CCDC30: variants seen among roughly 807,000 people sequenced by gnomAD.
CCDC30 encodes the protein coiled-coil domain containing 30.
In CCDC30, 70 loss-of-function variants were observed where a neutral mutation model predicts 100.2. The ratio of observed to expected loss-of-function variants is 0.70; its 90% confidence interval spans 0.58 to 0.85. The LOEUF (loss-of-function observed/expected upper bound fraction) is 0.85. CCDC30 is among the 40% of genes least tolerant of loss of function. CCDC30 has a pLI of 0.00. For missense variants in CCDC30, 652 were observed against 771.2 expected, an observed-to-expected ratio of 0.85 and a Z score of 1.83; for synonymous variants, 233 against 269.5, an observed-to-expected ratio of 0.86 and a Z score of 1.33.
At chr1:42,576,936 C>A in intron 7 of CCDC30, 84 bp from the exon 12 acceptor site, 1 of 997,684 alleles carries the variant, frequency 1.0e-6, no homozygotes, top group Non-Finnish European at 1.5e-6. Flanking sequence ...TTTTAGGGGA[C>A]TATACTCCTT....
At chr1:42,470,357 G>C (rs1356833711) in intron 1 of CCDC30, among the ~76,000 whole-genome samples, 1 of 152,028 alleles carries the variant, frequency 6.6e-6, no homozygotes, top group African/African-American at 2.4e-5. Context: ...GACCTGCATT[G>C]CTGGTAGGAA....
In CCDC30 at chr1:42,581,415, CT is replaced by C; in HGVS notation, c.904del (p.Cys302ValfsTer8). On this transcript the variant is annotated frameshift_variant, in exon 9 of 17. Coordinates refer to ENST00000668663, the Ensembl canonical transcript of CCDC30. LOFTEE classifies it high-confidence loss of function. The stretch of plus-strand genomic sequence containing the variant: ...GCTCATAAAGTCTGTCTCACAGACA[CT>C]TGTATTTCAGAGAAGCAGCAGCTAG... 6.2e-7 allele frequency: 1 copy of C among 1,613,554 alleles called. No individual in the cohort carries two copies. Among genetic ancestry groups the C allele is most frequent in the African/African-American group, 1.3e-5 (1 of 74,978 alleles).
At chr1:42,561,914 G>A (rs534119990) in intron 6 of CCDC30, among the ~76,000 whole-genome samples, 1 of 152,204 alleles carries the variant, frequency 6.6e-6, no homozygotes, top group Admixed American at 6.6e-5. Flanking sequence ...CCTCTTCAAG[G>A]AGAACTACAA....
intron 9 of CCDC30, among the ~76,000 whole-genome samples, chr1:42,587,838 A>G (rs531006993): frequency 3.3e-4 from 51 of 152,336 alleles, no homozygotes; most frequent in Non-Finnish European, 6.3e-4. Context: ...CTCTTTTCAC[A>G]AACTTTATTC....
At chr1:42,654,797 C>T (rs1648609405), downstream of CCDC30, 1 of 150,768 alleles carries the variant, frequency 6.6e-6, no homozygotes, top group African/African-American at 2.4e-5. Flanking sequence ...ACTGCAACCT[C>T]TGCCTCCCAG....
chr1:42,525,856 T>G (rs1470049073), intron 6 of CCDC30, among the ~76,000 whole-genome samples: 1 of 152,182 alleles, frequency 6.6e-6, no homozygotes, highest in Non-Finnish European at 1.5e-5. Context: ...ATCTAGCTGG[T>G]CAGAACTCAA....
rs56267063 is a variant in CCDC30, at chr1:42,496,122, AGTGTGTGTGT to A, written c.242-947_242-938del. ...TGTCATTTGGGTTTTTTATTTGTGG[AGTGTGTGTGT>A]GTGTGTGTGTGTGTGTGTGTGTGTG... On this transcript the variant is annotated intron_variant, in intron 4 of 16. Transcript: ENST00000668663. Among the ~76,000 whole-genome samples, 827 of 147,390 alleles carry A rather than the reference AGTGTGTGTGT, an allele frequency of 5.6e-3. 4 individuals are homozygous for A. Among genetic ancestry groups the A allele is most frequent in the African/African-American group, 0.018 (721 of 39,854 alleles).
intron 7 of CCDC30, among the ~76,000 whole-genome samples, chr1:42,572,998 A>T (rs567951507): frequency 4.2e-4 from 64 of 152,284 alleles, no homozygotes; most frequent in African/African-American, 1.5e-3. Flanking sequence ...TGCTATCATG[A>T]TTATTTTAGC....
chr1:42,456,661 G>C, the CCDC30 span: 1 of 1,600,088 alleles, frequency 6.2e-7, no homozygotes, highest in Non-Finnish European at 8.5e-7. Context: ...GGCTGGGCGC[G>C]CAGGGCCGGC....
chr1:42,553,713 C>T (rs914101906), intron 6 of CCDC30, among the ~76,000 whole-genome samples: 1 of 151,082 alleles, frequency 6.6e-6, no homozygotes, highest in Admixed American at 6.6e-5. Flanking sequence ...TGCATTTTCC[C>T]AGTCTTAATG....
chr1:42,564,519 A>ACCTCAGGTGATCCACCCATCTCGG (rs370943075), intron 6 of CCDC30, among the ~76,000 whole-genome samples: 3 of 151,038 alleles, frequency 2.0e-5, no homozygotes, highest in African/African-American at 7.3e-5. Flanking sequence ...TGAACTCCTG[A>ACCTCAGGTGATCCACCCATCTCGG]CCTCCCAAAG....
chr1:42,565,700 A>T (rs1216274110), intron 6 of CCDC30, among the ~76,000 whole-genome samples: 2 of 152,178 alleles, frequency 1.3e-5, no homozygotes, highest in Non-Finnish European at 2.9e-5. Context: ...TATCCAAGGG[A>T]TATGAAACCA....
intron 8 of CCDC30, among the ~76,000 whole-genome samples, chr1:42,579,858 A>C (rs576032582): frequency 6.6e-6 from 1 of 151,734 alleles, no homozygotes; most frequent in Non-Finnish European, 1.5e-5. Context: ...AGCTGGGCAT[A>C]GTAGCACATG....
intron 6 of CCDC30, among the ~76,000 whole-genome samples, chr1:42,509,450 A>G (rs1208782449): frequency 6.6e-6 from 1 of 152,190 alleles, no homozygotes; most frequent in Non-Finnish European, 1.5e-5. Context: ...AGCACCACCC[A>G]GATCGATAAA....
At chr1:42,632,231 G>T (rs968009857) in intron 11 of CCDC30, among the ~76,000 whole-genome samples, 2 of 152,132 alleles carry the variant, frequency 1.3e-5, no homozygotes, top group Non-Finnish European at 2.9e-5. Flanking sequence ...AAAGGAGCGG[G>T]TTTCCTTATG....
At chr1:42,458,351 T>G (rs1643298855), upstream of CCDC30, among the ~76,000 whole-genome samples, 1 of 152,160 alleles carries the variant, frequency 6.6e-6, no homozygotes, top group African/African-American at 2.4e-5. Context: ...TGATTTTAGA[T>G]TTTTGGAACC....
At chr1:42,529,442 A>G (rs927213787) in intron 6 of CCDC30, among the ~76,000 whole-genome samples, 1 of 151,610 alleles carries the variant, frequency 6.6e-6, no homozygotes, top group Non-Finnish European at 1.5e-5. Flanking sequence ...ACTGCACTCC[A>G]GTCTGGGTGA....
chr1:42,478,888 A>G (rs1170466616), intron 1 of CCDC30, among the ~76,000 whole-genome samples: 1 of 152,170 alleles, frequency 6.6e-6, no homozygotes, highest in Admixed American at 6.5e-5. Flanking sequence ...TGTTTTAGCT[A>G]ATGTTGTAAA....
In CCDC30 at chr1:42,596,692, A is replaced by G. The variant is rs1646294524; in HGVS notation, c.1164+7209A>G. Among the ~76,000 whole-genome samples the G allele has an allele frequency of 1.3e-5, 2 of 152,044 alleles. No individual in the cohort carries two copies. Among genetic ancestry groups the G allele is most frequent in the Non-Finnish European group, 2.9e-5 (2 of 68,028 alleles). On this transcript the variant is annotated intron_variant, in intron 10 of 16. Transcript: ENST00000668663. This position sits in a 1 kb window ranked among gnomAD's most constrained non-coding sequence, Gnocchi z 4.3. ...AGCAGTTTCCTCTACTCACTGCATC[A>G]TGTTTCGCTATCAAGAAAAAATTAC...
Sources: gnomAD v4.1 joint callset for allele counts (sites outside exome capture counted in the v4.1 genomes callset) on GRCh38, gnomAD v4.1.1 for gene constraint, Gnocchi (gnomAD v3.1) non-coding constraint, MANE v1.5 for transcripts, NCBI Gene and HGNC (gene_info 2026-07-23, HGNC 2026-07-21) for gene names.